ANKS1B: variants seen among roughly 807,000 people sequenced by gnomAD.
ANKS1B encodes the protein ankyrin repeat and sterile alpha motif domain containing 1B, also known as ankyrin repeat and sterile alpha motif domain-containing protein 1B.
Under a neutral mutation model 148.3 loss-of-function variants are expected in ANKS1B, and 36 were observed. The ratio of observed to expected loss-of-function variants is 0.24; its 90% confidence interval spans 0.19 to 0.32. The LOEUF is 0.32. Ranked by LOEUF, ANKS1B falls within the 10% of genes least tolerant of loss-of-function variation. The probability of loss-of-function intolerance (pLI) is 1.00; values close to 1 mark genes in which losing one functional copy is unlikely to be tolerated. For missense variants in ANKS1B, 1,157 were observed against 1,542.6 expected (o/e 0.75, Z 4.19); for synonymous variants, 542 against 560.8 (o/e 0.97, Z 0.47).
chr12:99,372,601 A>AG (rs2093198417), intron 12 of ANKS1B, among the ~76,000 whole-genome samples: 1 of 152,124 alleles, frequency 6.6e-6, no homozygotes. Flanking sequence ...ACTGTTAAAT[A>AG]GGGGTTTGTC....
chr12:99,922,775 C>T (rs1056391484), intron 1 of ANKS1B, among the ~76,000 whole-genome samples: 2 of 149,072 alleles, frequency 1.3e-5, no homozygotes, highest in African/African-American at 5.0e-5. Flanking sequence ...AAGGCTCTGC[C>T]CTTCTGAATG....
At chr12:98,855,740 G>A (rs2099567691) in intron 17 of ANKS1B, among the ~76,000 whole-genome samples, 1 of 151,392 alleles carries the variant, frequency 6.6e-6, no homozygotes, top group Non-Finnish European at 1.5e-5. Context: ...AATCAAACTG[G>A]CTCTTGGCCA....
chr12:99,267,614 C>T (rs1232586952), intron 12 of ANKS1B, among the ~76,000 whole-genome samples: 2 of 152,104 alleles, frequency 1.3e-5, no homozygotes, highest in Non-Finnish European at 2.9e-5. Context: ...ACATGTATCA[C>T]ACTGAGGCAC....
intron 12 of ANKS1B, among the ~76,000 whole-genome samples, chr12:99,314,012 T>C (rs951930060): frequency 2.6e-5 from 4 of 151,870 alleles, no homozygotes; most frequent in Non-Finnish European, 5.9e-5. Flanking sequence ...TATATACTTA[T>C]AAAATCCTAT....
chr12:99,557,211 A>C (rs1284143941), intron 9 of ANKS1B, among the ~76,000 whole-genome samples: 1 of 151,814 alleles, frequency 6.6e-6, no homozygotes. Flanking sequence ...TTGAATGTCG[A>C]CCTCTCTAGT....
rs575322334 is a variant in ANKS1B at position 99,431,527 on chromosome 12, C to T, written c.1575+12146G>A. Among the ~76,000 whole-genome samples, 110 of 152,262 alleles carry T rather than the reference C, an allele frequency of 7.2e-4. 1 individual carries two copies. The highest frequency in any genetic ancestry group is 2.6e-3 in the African/African-American group (110 of 41,536). On this transcript the variant is annotated intron_variant, in intron 11 of 26. Transcript: ENST00000683438. ...GTTGTGAAATATATTAATGGGTTTA[C>T]ATGGGTGGTAGCGAAAGAAGGCTCT... is the stretch of plus-strand genomic sequence containing the variant.
At position 99,832,045 on chromosome 12, in the gene ANKS1B, T is replaced by G. The variant is rs553697002; in HGVS notation, c.135-6656A>C. On this transcript the variant is annotated intron_variant, in intron 1 of 26. Transcript: ENST00000683438. ...TCTACCATCAGATGGGCACAAATTT[T>G]TAAAGAAATAATTGATAACAATCAA... is the stretch of plus-strand genomic sequence containing the variant. Among the ~76,000 whole-genome samples the G allele has an allele frequency of 3.3e-5, 5 of 152,290 alleles. No individual in the cohort carries two copies. In the South Asian group the frequency reaches 1.0e-3, roughly 32 times the overall value.
At chr12:99,883,037 T>A (rs1290683206) in intron 1 of ANKS1B, among the ~76,000 whole-genome samples, 1 of 152,198 alleles carries the variant, frequency 6.6e-6, no homozygotes, top group African/African-American at 2.4e-5. Flanking sequence ...AGCCAGAAGA[T>A]AATGATGCCA....
chr12:98,967,508 T>C (rs1006390049), intron 17 of ANKS1B, among the ~76,000 whole-genome samples: 5 of 151,698 alleles, frequency 3.3e-5, no homozygotes, highest in Admixed American at 2.6e-4. Context: ...ACTGGTGTTC[T>C]GGTGCTGTGA....
At chr12:99,853,624 T>C (rs1472257277) in intron 1 of ANKS1B, among the ~76,000 whole-genome samples, 5 of 152,094 alleles carry the variant, frequency 3.3e-5, no homozygotes, top group Non-Finnish European at 7.4e-5. Context: ...TGACGTAGCT[T>C]ACCCAGAAAA....
At chr12:99,962,289 G>A (rs1254504340) in intron 1 of ANKS1B, among the ~76,000 whole-genome samples, 1 of 152,032 alleles carries the variant, frequency 6.6e-6, no homozygotes, top group South Asian at 2.1e-4. Context: ...TTATAAATGA[G>A]AACATGCAGT....
chr12:99,294,706 T>A (rs1602519693), intron 12 of ANKS1B, among the ~76,000 whole-genome samples: 1 of 151,850 alleles, frequency 6.6e-6, no homozygotes, highest in Admixed American at 6.6e-5. Context: ...GAGGCTGGAG[T>A]GCAATGGCGC....
intron 9 of ANKS1B, among the ~76,000 whole-genome samples, chr12:99,608,690 G>C (rs932637174): frequency 6.6e-6 from 1 of 152,000 alleles, no homozygotes; most frequent in Non-Finnish European, 1.5e-5. Context: ...TGACTCTTAG[G>C]GAAGACACAG....
intron 9 of ANKS1B, among the ~76,000 whole-genome samples, chr12:99,651,366 TAA>T (rs919954132): frequency 3.3e-5 from 5 of 152,246 alleles, no homozygotes; most frequent in African/African-American, 1.2e-4. Flanking sequence ...AATTTAAAAA[TAA>T]AACAATTTTT....
rs184367173 is a variant in ANKS1B, at chr12:98,791,850, G to A, written c.3342+7084C>T. 5.9e-5 allele frequency among the ~76,000 whole-genome samples: 9 copies of A among 152,318 alleles called. No individual in the cohort carries two copies. The East Asian group carries it at 1.7e-3, about 29-fold the overall frequency. On this transcript the variant is annotated intron_variant, in intron 22 of 26. Transcript: ENST00000683438. ...CAGAAGGAATTTGTATGAGGACAGAGGAACAAAACATGATTTTAGTTTGAG... is the reference window on the plus strand; with the variant it reads ...CAGAAGGAATTTGTATGAGGACAGAAGAACAAAACATGATTTTAGTTTGAG...
intron 4 of ANKS1B, among the ~76,000 whole-genome samples, chr12:99,796,407 G>A (rs533969673): frequency 6.6e-6 from 1 of 152,090 alleles, no homozygotes; most frequent in East Asian, 1.9e-4. Flanking sequence ...TGGGTGGGCG[G>A]CAGGGGTAGG....
chr12:99,695,958 G>C (rs933117590), intron 8 of ANKS1B, among the ~76,000 whole-genome samples: 3 of 152,100 alleles, frequency 2.0e-5, no homozygotes, highest in Non-Finnish European at 4.4e-5. Flanking sequence ...GGTGGAAGGG[G>C]AGCAAGCATT....
chr12:99,178,702 T>A (rs910564740), intron 14 of ANKS1B, among the ~76,000 whole-genome samples: 2 of 152,254 alleles, frequency 1.3e-5, no homozygotes, highest in South Asian at 4.1e-4. Flanking sequence ...TATGGTTTCA[T>A]TGAAAATAAC....
intron 24 of ANKS1B, among the ~76,000 whole-genome samples, chr12:98,773,451 C>T (rs1186265348): frequency 6.6e-6 from 1 of 152,034 alleles, no homozygotes; most frequent in Admixed American, 6.6e-5. Context: ...TGGGTGGCGG[C>T]CACTTTTTTT....
Sources: gnomAD v4.1 joint callset for allele counts (sites outside exome capture counted in the v4.1 genomes callset) on GRCh38, gnomAD v4.1.1 for gene constraint, MANE v1.5 for transcripts, NCBI Gene and HGNC (gene_info 2026-07-23, HGNC 2026-07-21) for gene names.